Variants in SLC44A5 observed in about 807,000 individuals in gnomAD.
SLC44A5 encodes solute carrier family 44 member 5, also known as choline transporter-like protein 5.
A neutral mutation model predicts 101.8 loss-of-function variants in SLC44A5; 57 were observed. The observed-to-expected ratio is 0.56, with a 90% CI of 0.45 to 0.70. The LOEUF (loss-of-function observed/expected upper bound fraction) is 0.70, where lower values mean the gene tolerates loss of function less well. SLC44A5 is among the 30% of genes least tolerant of loss of function. The pLI is 0.00. For synonymous variants in SLC44A5, 281 were observed against 290.9 expected (o/e 0.97, Z 0.35); for missense variants, 737 against 853.1 (o/e 0.86, Z 1.70).
chr1:75,539,239 T>C (rs1394537945), intron 2 of SLC44A5, among the ~76,000 whole-genome samples: 3 of 152,270 alleles, frequency 2.0e-5, no homozygotes, highest in African/African-American at 7.2e-5. Flanking sequence ...AAATTTCATT[T>C]GTACCTTACC....
At position 75,209,010 on chromosome 1, in the gene SLC44A5, CAA is replaced by C. The variant is rs1175843813; in HGVS notation, c.2047+2456_2047+2457del. 2.0e-5 allele frequency among the ~76,000 whole-genome samples: 3 copies of C among 152,266 alleles called. No homozygotes were observed. The East Asian group carries it at 5.8e-4, about 29-fold the overall frequency. On this transcript the variant is annotated intron_variant, in intron 23 of 23. Transcript: ENST00000370859. ...GGCATCATTTAAGAAGAATATTTTA[CAA>C]AGTGTGATGTTGCCCATAGTAACAG...
chr1:75,581,596 C>G (rs1673701885), intron 1 of SLC44A5, among the ~76,000 whole-genome samples: 1 of 152,152 alleles, frequency 6.6e-6, no homozygotes, highest in African/African-American at 2.4e-5. Context: ...GAAAGGGGTA[C>G]AGTATTCCAA....
the SLC44A5 span, among the ~76,000 whole-genome samples, chr1:75,671,067 T>C: frequency 6.6e-6 from 1 of 152,182 alleles, no homozygotes; most frequent in Non-Finnish European, 1.5e-5. Context: ...CCAAAGACTT[T>C]CCTATGGTTT....
At chr1:75,677,770 G>T in the SLC44A5 span, 6 of 438,090 alleles carry the variant, frequency 1.4e-5, no homozygotes, top group African/African-American at 4.2e-5. Context: ...CAAGATGGCC[G>T]AATAGGAACA....
the SLC44A5 span, among the ~76,000 whole-genome samples, chr1:75,620,211 T>G: frequency 6.6e-6 from 1 of 152,196 alleles, no homozygotes; most frequent in Non-Finnish European, 1.5e-5. Context: ...ATGTGCCACA[T>G]TTTCTTTATC....
intron 3 of SLC44A5, among the ~76,000 whole-genome samples, chr1:75,342,754 C>T (rs1444930001): frequency 6.6e-6 from 1 of 152,140 alleles, no homozygotes; most frequent in Non-Finnish European, 1.5e-5. Flanking sequence ...TTGTACCTCA[C>T]CAAGTGAGAA....
chr1:75,205,131 A>C (rs1331351343), intron 23 of SLC44A5: 4 of 152,214 alleles, frequency 2.6e-5, no homozygotes, highest in African/African-American at 2.4e-5. Context: ...GCTGGTAGTC[A>C]TTATATATTA....
chr1:75,210,501 C>T (rs1646831901), intron 23 of SLC44A5, among the ~76,000 whole-genome samples: 1 of 152,160 alleles, frequency 6.6e-6, no homozygotes, highest in African/African-American at 2.4e-5. Context: ...AGAGGCACTC[C>T]TCTCCGAATC....
In SLC44A5 at chr1:75,252,751, A is replaced by G. The variant is rs147414305; in HGVS notation, c.261-1457T>C. 7.5e-4 allele frequency among the ~76,000 whole-genome samples: 114 copies of G among 152,286 alleles called. 3 individuals are homozygous for G. The East Asian group carries it at 0.02, about 26-fold the overall frequency. On this transcript the variant is annotated intron_variant, in intron 6 of 23. Coordinates refer to ENST00000370859, the MANE Select transcript of SLC44A5 (RefSeq NM_001130058.2). ...ATGAGACCCAAAGAGACCACAAGAG[A>G]ATTGAAAAAAAGTCAATGAGGCAGA...
At chr1:75,536,593 T>C (rs1570555930) in intron 2 of SLC44A5, among the ~76,000 whole-genome samples, 2 of 65,020 alleles carry the variant, frequency 3.1e-5, no homozygotes, top group African/African-American at 5.8e-5. Context: ...AGAGCAAGAC[T>C]CCATCTCAAA....
chr1:75,594,979 C>G lies in SLC44A5; in HGVS notation c.-70+16061G>C, dbSNP rs370818947. On this transcript the variant is annotated intron_variant, in intron 1 of 23. Coordinates refer to ENST00000370859, the MANE Select transcript of SLC44A5 (RefSeq NM_001130058.2). Reference sequence around the variant, plus strand: ...CAAATTATAAATTCATTTTAAAACCCTTAAAATTATATTTGGTATTACAAC... The same window carrying G: ...CAAATTATAAATTCATTTTAAAACCGTTAAAATTATATTTGGTATTACAAC... Among the ~76,000 whole-genome samples, 33 of 151,792 alleles carry G rather than the reference C, an allele frequency of 2.2e-4. 1 individual carries two copies. The East Asian group carries it at 3.3e-3, about 15-fold the overall frequency.
At chr1:75,367,826 A>G (rs1222548873) in intron 3 of SLC44A5, among the ~76,000 whole-genome samples, 6 of 152,224 alleles carry the variant, frequency 3.9e-5, no homozygotes, top group Non-Finnish European at 7.3e-5. Context: ...AGAGCTTACA[A>G]TCACTTACTT....
intron 4 of SLC44A5, among the ~76,000 whole-genome samples, chr1:75,317,105 A>G (rs1655749526): frequency 6.6e-6 from 1 of 152,268 alleles, no homozygotes; most frequent in African/African-American, 2.4e-5. Context: ...AGGATATTGC[A>G]TATTTTAAAA....
At chr1:75,225,537 T>G (rs2100530832) in intron 13 of SLC44A5, among the ~76,000 whole-genome samples, 1 of 152,266 alleles carries the variant, frequency 6.6e-6, no homozygotes, top group African/African-American at 2.4e-5. Flanking sequence ...ACCTGGGGGC[T>G]AAGAGATATA....
chr1:75,686,643 C>G, the SLC44A5 span, among the ~76,000 whole-genome samples: 1 of 152,138 alleles, frequency 6.6e-6, no homozygotes, highest in African/African-American at 2.4e-5. Context: ...AGAAGTAATT[C>G]AAGAATTTTC....
At chr1:75,363,043 C>T (rs931423515) in intron 3 of SLC44A5, among the ~76,000 whole-genome samples, 1 of 151,952 alleles carries the variant, frequency 6.6e-6, no homozygotes, top group South Asian at 2.1e-4. Context: ...GATAAATTGG[C>T]CTTTTAATCA....
At chr1:75,223,350 G>GT (rs759543735) in intron 13 of SLC44A5, among the ~76,000 whole-genome samples, 5 of 151,746 alleles carry the variant, frequency 3.3e-5, no homozygotes, top group Non-Finnish European at 7.4e-5. Context: ...GCTTGAACTA[G>GT]TTTTTTTTAA....
chr1:75,468,484 G>A (rs938962140), intron 2 of SLC44A5, among the ~76,000 whole-genome samples: 2 of 152,126 alleles, frequency 1.3e-5, no homozygotes, highest in African/African-American at 4.8e-5. Context: ...GTACTATTCA[G>A]CCATAGAAAA....
intron 2 of SLC44A5, among the ~76,000 whole-genome samples, chr1:75,476,177 T>C (rs574468195): frequency 5.8e-4 from 88 of 151,710 alleles, no homozygotes; most frequent in African/African-American, 2.1e-3. Context: ...AAAGAGATTC[T>C]GTATCAAAAA....
Sources: allele counts gnomAD v4.1 joint callset (sites outside exome capture counted in the v4.1 genomes callset), GRCh38; gene constraint gnomAD v4.1.1; transcripts MANE v1.5; gene names NCBI Gene and HGNC (gene_info 2026-07-23, HGNC 2026-07-21).